The following AUH variants were observed in gnomAD, a reference collection of about 807,000 sequenced individuals.
AUH encodes methylglutaconyl-CoA hydratase, mitochondrial.
Under a neutral mutation model 42.3 loss-of-function variants are expected in AUH, and 29 were observed. The observed-to-expected ratio is 0.69, with a 90% CI of 0.51 to 0.93. The LOEUF is 0.93. Ranked by LOEUF, AUH falls within the 40% of genes least tolerant of loss-of-function variation. The pLI is 0.00. For missense variants in AUH, 452 were observed against 438.1 expected, an observed-to-expected ratio of 1.03 and a Z score of -0.28; for synonymous variants, 174 against 166.4, an observed-to-expected ratio of 1.05 and a Z score of -0.35.
chr9:91,314,686 T>C lies in AUH; in HGVS notation c.505+10632A>G, dbSNP rs1035079630. On this transcript the variant is annotated intron_variant, in intron 4 of 9. Transcript: ENST00000375731. The stretch of plus-strand genomic sequence containing the variant: ...GGCTGAATTCGTAGCTATGATGTGA[T>C]GGGAGGTCAGACCATCTCCCTCAAT... Among the ~76,000 whole-genome samples the C allele has an allele frequency of 2.0e-5, 3 of 151,842 alleles. No homozygotes were observed. In the South Asian group the frequency reaches 6.3e-4, roughly 32 times the overall value.
chr9:91,220,664 CT>C (rs1827079101), intron 7 of AUH, 140 bp downstream of exon 7: 4 of 790,720 alleles, frequency 5.1e-6, no homozygotes, highest in Non-Finnish European at 8.0e-6. Context: ...TGTAACTGCT[CT>C]AGTTTTACAG....
chr9:91,291,339 C>T (rs910306405), intron 6 of AUH, among the ~76,000 whole-genome samples: 3 of 152,190 alleles, frequency 2.0e-5, no homozygotes, highest in Non-Finnish European at 4.4e-5. Flanking sequence ...GGCATGCCAT[C>T]CAACCCACTA....
intron 3 of AUH, among the ~76,000 whole-genome samples, chr9:91,332,530 T>C (rs370446220): frequency 6.6e-6 from 1 of 152,070 alleles, no homozygotes; most frequent in African/African-American, 2.4e-5. Flanking sequence ...CAAACAAACC[T>C]ATCCTTAAAA....
chr9:91,283,585 CCTT>C (rs1245898581), intron 6 of AUH, among the ~76,000 whole-genome samples: 1 of 152,178 alleles, frequency 6.6e-6, no homozygotes, highest in East Asian at 1.9e-4. Context: ...CCCAAAATCT[CCTT>C]AAGCTGATAA....
In AUH at chr9:91,355,984, G is replaced by A. The variant is rs560058460; in HGVS notation, c.331-14C>T. On this transcript the variant is annotated splice_polypyrimidine_tract_variant and intron_variant, in intron 2 of 9. Transcript: ENST00000375731. ...AGCTTTTGATAGCTAAACAGAAATAGGAAGCATAGGAGGAAAAAGAGAAAA... is the reference window on the plus strand; with the variant it reads ...AGCTTTTGATAGCTAAACAGAAATAAGAAGCATAGGAGGAAAAAGAGAAAA... The A allele has an allele frequency of 4.8e-5, 77 of 1,608,350 alleles. 1 individual carries two copies. In the Admixed American group the frequency reaches 1.2e-3, roughly 26 times the overall value.
intron 6 of AUH, among the ~76,000 whole-genome samples, chr9:91,246,011 T>G (rs1352242292): frequency 6.6e-6 from 1 of 152,156 alleles, no homozygotes; most frequent in African/African-American, 2.4e-5. Context: ...GAAACCATAT[T>G]AAGCAAAGGG....
chr9:91,305,718 C>T lies in AUH; in HGVS notation c.506-7642G>A, dbSNP rs564997679. Among the ~76,000 whole-genome samples the T allele has an allele frequency of 2.6e-5, 4 of 152,280 alleles. No individual in the cohort carries two copies. The South Asian group carries it at 6.2e-4, about 24-fold the overall frequency. ...AACCTTACAAAGATTACTTAAACTTCTATCAGCCTTATGCTGTAAGAACTC... is the reference window on the plus strand; with the variant it reads ...AACCTTACAAAGATTACTTAAACTTTTATCAGCCTTATGCTGTAAGAACTC... On this transcript the variant is annotated intron_variant, in intron 4 of 9. Transcript: ENST00000375731.
At chr9:91,226,432 T>C (rs1259650206) in intron 6 of AUH, among the ~76,000 whole-genome samples, 2 of 151,258 alleles carry the variant, frequency 1.3e-5, no homozygotes, top group Non-Finnish European at 3.0e-5. Flanking sequence ...TTTGAGTTCA[T>C]TGTAGATTCT....
intron 4 of AUH, among the ~76,000 whole-genome samples, chr9:91,307,101 GAAAGAGA>G (rs1473401210): frequency 2.0e-5 from 3 of 152,164 alleles, no homozygotes; most frequent in Admixed American, 2.0e-4. Context: ...AGGGGCAAAA[GAAAGAGA>G]CAGCAAACGG....
intron 6 of AUH, among the ~76,000 whole-genome samples, chr9:91,254,713 C>G (rs751192821): frequency 2.0e-5 from 3 of 152,156 alleles, no homozygotes; most frequent in Non-Finnish European, 2.9e-5. Context: ...GGCAACCATT[C>G]GTATGACATC....
Position 91,268,446 on chromosome 9 carries a change from T to TA in AUH, c.655+27574dup, listed in dbSNP as rs200288028. 3.3e-5 allele frequency among the ~76,000 whole-genome samples: 5 copies of TA among 151,860 alleles called. No homozygotes were observed. In the East Asian group the frequency reaches 7.7e-4, roughly 23 times the overall value. On this transcript the variant is annotated intron_variant, in intron 6 of 9. Transcript: ENST00000375731. The stretch of plus-strand genomic sequence containing the variant: ...CACTTCCTAGACATTTTTTTTTTTT[T>TA]AAGAGACGGAGTCTCACTCTGCTGC...
intron 6 of AUH, among the ~76,000 whole-genome samples, chr9:91,258,966 G>A (rs1829556245): frequency 6.6e-6 from 1 of 152,144 alleles, no homozygotes; most frequent in Admixed American, 6.5e-5. Flanking sequence ...TTTCATGAGG[G>A]ATGCTTGTCT....
intron 4 of AUH, among the ~76,000 whole-genome samples, chr9:91,323,776 A>G (rs552010046): frequency 1.3e-5 from 2 of 149,564 alleles, no homozygotes; most frequent in East Asian, 1.9e-4. Context: ...AGAAAAGTAT[A>G]AAACTTCCTT....
intron 6 of AUH, among the ~76,000 whole-genome samples, chr9:91,230,982 C>G (rs1033832874): frequency 6.6e-6 from 1 of 152,242 alleles, no homozygotes; most frequent in African/African-American, 2.4e-5. Context: ...ACATTTAAGT[C>G]TGCAGAGGTT....
At chr9:91,325,435 T>C (rs1402844171) in intron 3 of AUH, 31 bp from the exon 4 acceptor site, 1 of 1,588,408 alleles carries the variant, frequency 6.3e-7, no homozygotes, top group Admixed American at 1.7e-5. Flanking sequence ...AAATATAATC[T>C]AGTTGTAAAC....
intron 7 of AUH, among the ~76,000 whole-genome samples, chr9:91,219,389 C>T (rs1261583127): frequency 6.6e-6 from 1 of 152,184 alleles, no homozygotes; most frequent in Non-Finnish European, 1.5e-5. Flanking sequence ...AAGTTTTAAG[C>T]CAAGGTAAGT....
At chr9:91,269,425 T>C (rs1393756121) in intron 6 of AUH, among the ~76,000 whole-genome samples, 2 of 152,244 alleles carry the variant, frequency 1.3e-5, no homozygotes, top group East Asian at 3.8e-4. Flanking sequence ...ATACAAAAAC[T>C]ATGTAGTGAC....
intron 4 of AUH, among the ~76,000 whole-genome samples, chr9:91,314,836 C>T (rs1052852894): frequency 7.2e-5 from 11 of 152,218 alleles, no homozygotes; most frequent in African/African-American, 2.7e-4. Flanking sequence ...AAACAACCAA[C>T]CAGCATTTCT....
At chr9:91,268,875 A>G (rs1189381113) in intron 6 of AUH, among the ~76,000 whole-genome samples, 1 of 152,244 alleles carries the variant, frequency 6.6e-6, no homozygotes, top group Non-Finnish European at 1.5e-5. Context: ...GCATAATACA[A>G]TATCTAAGCA....
Sources: gnomAD v4.1 joint callset for allele counts (sites outside exome capture counted in the v4.1 genomes callset) on GRCh38, gnomAD v4.1.1 for gene constraint, MANE v1.5 for transcripts, NCBI Gene and HGNC (gene_info 2026-07-23, HGNC 2026-07-21) for gene names.